The following VWA3B variants were observed in gnomAD, a reference collection of about 807,000 sequenced individuals.
VWA3B encodes the protein von Willebrand factor A domain containing 3B.
In VWA3B, 138 loss-of-function variants were observed where a neutral mutation model predicts 158.3. The observed-to-expected ratio is 0.87, with a 90% confidence interval of 0.76 to 1.00. The LOEUF is 1.00. VWA3B is among the 50% of genes least tolerant of loss of function. VWA3B has a pLI of 0.00. For synonymous variants in VWA3B, 596 were observed against 587.3 expected (o/e 1.01, Z -0.21); for missense variants, 1,555 against 1,565.1 (o/e 0.99, Z 0.11).
At chr2:98,212,541 T>A (rs557152837) in intron 13 of VWA3B, among the ~76,000 whole-genome samples, 1 of 152,224 alleles carries the variant, frequency 6.6e-6, no homozygotes, top group Non-Finnish European at 1.5e-5. Context: ...CATCTTCTTT[T>A]GAGCTTTGTG....
At chr2:98,212,126 T>C (rs1373369666) in intron 13 of VWA3B, 98 bp downstream of exon 13, 3 of 970,762 alleles carry the variant, frequency 3.1e-6, no homozygotes, top group East Asian at 2.5e-5. Context: ...CCACCAAAAA[T>C]CTGTGGACAT....
At chr2:98,286,838 C>T (rs1689190525) in intron 22 of VWA3B, among the ~76,000 whole-genome samples, 1 of 152,096 alleles carries the variant, frequency 6.6e-6, no homozygotes, top group Non-Finnish European at 1.5e-5. Flanking sequence ...CCTATGGCTT[C>T]TCTTTTCAGT....
intron 2 of VWA3B, among the ~76,000 whole-genome samples, chr2:98,112,281 GGTGTGTGTGTGTGTGTGTGTGGGT>G (rs1240123304): frequency 6.7e-6 from 1 of 148,288 alleles, no homozygotes; most frequent in East Asian, 2.0e-4. Flanking sequence ...GTCTGTTTGG[GGTGTGTGTGTGTGTGTGTGTGGGT>G]GTGTGTGTGT....
intron 21 of VWA3B, among the ~76,000 whole-genome samples, chr2:98,266,670 A>G (rs1362305471): frequency 2.5e-5 from 3 of 121,822 alleles, no homozygotes; most frequent in African/African-American, 9.5e-5. Context: ...GATTCTTCCT[A>G]CCCATGAGCA....
At chr2:98,305,672 G>T (rs62155312) in intron 26 of VWA3B, among the ~76,000 whole-genome samples, 19,188 of 151,990 alleles carry the variant, frequency 0.13, 1,794 homozygotes, top group Non-Finnish European at 0.19. Flanking sequence ...CACAAGTCAC[G>T]GAGCTGTCCA....
intron 24 of VWA3B, among the ~76,000 whole-genome samples, chr2:98,298,941 G>A (rs552084708): frequency 4.1e-4 from 63 of 152,314 alleles, no homozygotes; most frequent in Admixed American, 7.2e-4. Context: ...GATGGTCCCT[G>A]CTTGGCCTGT....
chr2:98,292,504 C>CTAAG (rs1689558196), intron 23 of VWA3B, among the ~76,000 whole-genome samples: 2 of 152,016 alleles, frequency 1.3e-5, no homozygotes, highest in Admixed American at 1.3e-4. Context: ...ATCGCATAGG[C>CTAAG]TAAGGCATGA....
intron 26 of VWA3B, among the ~76,000 whole-genome samples, chr2:98,304,731 C>G (rs1690411189): frequency 6.6e-6 from 1 of 152,120 alleles, no homozygotes; most frequent in Non-Finnish European, 1.5e-5. Flanking sequence ...TCAGTGATCC[C>G]TGGATTCTTC....
At position 98,256,042 on chromosome 2, in the gene VWA3B, C is replaced by T. The variant is rs1190026251; in HGVS notation, c.2793-82C>T. ...GTGGAGATGATGCTTAGATGGGCTC[C>T]CACTGCGGTGCCTGGGGTTAACCTT... is the stretch of plus-strand genomic sequence containing the variant. On this transcript the variant is annotated intron_variant, in intron 20 of 27. Coordinates refer to ENST00000477737, the MANE Select transcript of VWA3B (RefSeq NM_144992.5). 3 of 1,499,452 alleles carry T rather than the reference C, an allele frequency of 2.0e-6. No individual in the cohort carries two copies. In the African/African-American group the frequency reaches 4.2e-5, roughly 21 times the overall value. The allele number at this position is 1,499,452 out of a possible 1,614,324, so 92.9% of individuals were successfully genotyped here. A position where few individuals can be genotyped will look rare whatever the true frequency, so the allele number is the denominator to read the frequency against.
At chr2:98,195,756 A>G (rs1174767052) in intron 12 of VWA3B, among the ~76,000 whole-genome samples, 1 of 152,208 alleles carries the variant, frequency 6.6e-6, no homozygotes, top group Non-Finnish European at 1.5e-5. Context: ...TCAGCCATCT[A>G]TTCAGATTTT....
intron 12 of VWA3B, chr2:98,207,536 T>C: frequency 1.9e-6 from 1 of 520,984 alleles, no homozygotes; most frequent in Non-Finnish European, 3.8e-6. Context: ...CAACGTTTCT[T>C]GTCTCAGCCA....
intron 9 of VWA3B, 52 bp downstream of exon 9, chr2:98,181,264 G>C (rs1224135078): frequency 1.9e-6 from 3 of 1,585,670 alleles, no homozygotes; most frequent in Non-Finnish European, 2.6e-6. Context: ...CAAGTCCTGG[G>C]TGGGTGAGGC....
rs370181795 is a variant in VWA3B, at chr2:98,303,758, T to C, written c.3477T>C (p.Ser1159=). ...TCAGCCAAAACAAGTATGCGCTCTC[T>C]TGCTCTCATATAAAGTCACCCCCAA... ...IKISQNKYAL[S]CSHIKSPPIP... The change falls in exon 26 of 28, where the codon TCT becomes TCC. Residue 1159 remains serine, a synonymous_variant. Transcript: ENST00000477737. The C allele has an allele frequency of 7.4e-6, 12 of 1,614,048 alleles. No homozygotes were observed. The East Asian group carries it at 1.3e-4, about 18-fold the overall frequency.
At chr2:98,267,607 C>G (rs997320643) in intron 21 of VWA3B, among the ~76,000 whole-genome samples, 8 of 151,870 alleles carry the variant, frequency 5.3e-5, no homozygotes, top group Admixed American at 4.6e-4. Context: ...AAAATTGACA[C>G]CCTAACATCA....
At position 98,168,812 on chromosome 2, in the gene VWA3B, A is replaced by T. The variant is rs114332993; in HGVS notation, c.1114+5836A>T. Among the ~76,000 whole-genome samples, 526 of 152,040 alleles carry T rather than the reference A, an allele frequency of 3.5e-3. 3 individuals are homozygous for T. The highest frequency in any genetic ancestry group is 0.012 in the African/African-American group (494 of 41,532). On this transcript the variant is annotated intron_variant, in intron 8 of 27. Coordinates refer to ENST00000477737, the MANE Select transcript of VWA3B (RefSeq NM_144992.5). The stretch of plus-strand genomic sequence containing the variant: ...AGACAGACATATGAAAAAAAGATTT[A>T]AAAAAACCCGAAAGAAGATCTGTGA...
At chr2:98,130,963 T>C (rs1675823231) in intron 6 of VWA3B, among the ~76,000 whole-genome samples, 1 of 152,220 alleles carries the variant, frequency 6.6e-6, no homozygotes, top group Non-Finnish European at 1.5e-5. Flanking sequence ...TATTGTGAAA[T>C]ATAAAATACA....
chr2:98,211,957 G>A lies in VWA3B; in HGVS notation c.1765G>A (p.Ala589Thr). 1 of 1,614,094 alleles carries A rather than the reference G, an allele frequency of 6.2e-7. No homozygotes were observed. The highest frequency in any genetic ancestry group is 8.5e-7 in the Non-Finnish European group (1 of 1,179,990). Residue 589 changes from alanine (A) to threonine (T), a missense_variant, in exon 13 of 28, where the codon GCC becomes ACC. Transcript: ENST00000477737. Reference protein sequence around the residue: ...KIGSSTNTLSALKTAFADKET... With the variant: ...KIGSSTNTLSTLKTAFADKET... ...TGGAAGCTCCACAAACACCCTGAGT[G>A]CCCTGAAAACTGCTTTTGCTGATAA...
At chr2:98,270,182 T>G (rs768145794) in intron 21 of VWA3B, among the ~76,000 whole-genome samples, 1 of 152,214 alleles carries the variant, frequency 6.6e-6, no homozygotes, top group Non-Finnish European at 1.5e-5. Flanking sequence ...TTAGACTTAT[T>G]TAGGCTTGCA....
chr2:98,192,578 G>A (rs1225893756), intron 10 of VWA3B, among the ~76,000 whole-genome samples: 1 of 152,226 alleles, frequency 6.6e-6, no homozygotes, highest in Non-Finnish European at 1.5e-5. Flanking sequence ...CCATCTGGAT[G>A]TGTATGTGTA....
Sources: gnomAD v4.1 joint callset for allele counts (sites outside exome capture counted in the v4.1 genomes callset) on GRCh38, gnomAD v4.1.1 for gene constraint, MANE v1.5 for transcripts, NCBI Gene and HGNC (gene_info 2026-07-23, HGNC 2026-07-21) for gene names.